Variants in PLCB4 observed in about 807,000 individuals in gnomAD.
PLCB4 encodes the protein phospholipase C beta 4.
PLCB4 carries 77 observed loss-of-function variants against 178.8 expected under a neutral mutation model. The observed-to-expected ratio is 0.43, with a 90% CI of 0.36 to 0.52. PLCB4 has a LOEUF of 0.52. Among genes scored for constraint, PLCB4 ranks in the 20% least tolerant of loss-of-function variants. The probability of loss-of-function intolerance (pLI) is 0.00; values close to 1 mark genes in which losing one functional copy is unlikely to be tolerated. For synonymous variants in PLCB4, 496 were observed against 490.8 expected, an observed-to-expected ratio of 1.01 and a Z score of -0.14; for missense variants, 1,024 against 1,453.4, an observed-to-expected ratio of 0.70 and a Z score of 4.80.
At chr20:9,399,385 A>G (rs185392217) in intron 19 of PLCB4, among the ~76,000 whole-genome samples, 2 of 152,370 alleles carry the variant, frequency 1.3e-5, no homozygotes, top group Non-Finnish European at 2.9e-5. Flanking sequence ...CTAGTCGGCT[A>G]TAATTACCTT....
intron 7 of PLCB4, among the ~76,000 whole-genome samples, chr20:9,346,308 C>T (rs1209817323): frequency 6.6e-6 from 1 of 152,148 alleles, no homozygotes; most frequent in African/African-American, 2.4e-5. Context: ...CACTGCTAAG[C>T]AGAAAAGCTC....
At chr20:9,177,955 C>T (rs778755669) in intron 2 of PLCB4, among the ~76,000 whole-genome samples, 35 of 152,158 alleles carry the variant, frequency 2.3e-4, no homozygotes, top group Non-Finnish European at 3.2e-4. Context: ...AAGTGCTAAA[C>T]AGAAAAACAC....
At chr20:9,213,621 A>G (rs2093697468) in intron 2 of PLCB4, among the ~76,000 whole-genome samples, 1 of 152,148 alleles carries the variant, frequency 6.6e-6, no homozygotes. Flanking sequence ...CTGCTATGAA[A>G]TTTTACATGT....
intron 7 of PLCB4, among the ~76,000 whole-genome samples, chr20:9,354,915 C>T (rs996958184): frequency 6.6e-6 from 1 of 152,188 alleles, no homozygotes. Flanking sequence ...ATTTAGTTCA[C>T]ATCATCTAGT....
chr20:9,459,918 A>G, intron 35 of PLCB4, 108 bp downstream of exon 35: 3 of 685,470 alleles, frequency 4.4e-6, no homozygotes, highest in Admixed American at 5.3e-5. Context: ...TTGACGTACA[A>G]CATGTAGCTC....
At chr20:9,214,989 A>T (rs1297006037) in intron 2 of PLCB4, among the ~76,000 whole-genome samples, 1 of 152,194 alleles carries the variant, frequency 6.6e-6, no homozygotes, top group Non-Finnish European at 1.5e-5. Context: ...TTACGAAATG[A>T]CTTGGGCAGC....
intron 38 of PLCB4, among the ~76,000 whole-genome samples, chr20:9,474,954 A>G (rs956034983): frequency 6.6e-6 from 1 of 152,190 alleles, no homozygotes; most frequent in Non-Finnish European, 1.5e-5. Context: ...TACCTAGCTT[A>G]TGTTTTTGCT....
At chr20:9,334,827 A>G (rs1474629772) in intron 4 of PLCB4, among the ~76,000 whole-genome samples, 4 of 152,138 alleles carry the variant, frequency 2.6e-5, no homozygotes, top group Non-Finnish European at 4.4e-5. Context: ...TAGAAGGACC[A>G]GATGGAATTC....
chr20:9,463,593 CAAAAAAAAAAAAA>C (rs145361980), intron 35 of PLCB4, among the ~76,000 whole-genome samples: 5 of 49,692 alleles, frequency 1.0e-4, no homozygotes, highest in Admixed American at 2.6e-4. Flanking sequence ...AAATGGAAAG[CAAAAAAAAAAAAA>C]AAAAAAAAGC....
chr20:9,210,217 A>G (rs955572934), intron 2 of PLCB4, among the ~76,000 whole-genome samples: 3 of 152,154 alleles, frequency 2.0e-5, no homozygotes, highest in Non-Finnish European at 2.9e-5. Flanking sequence ...GAACTCCTCT[A>G]AAGAGCCCTG....
intron 3 of PLCB4, 114 bp from the exon 4 acceptor site, chr20:9,307,686 G>A (rs986122216): frequency 5.4e-5 from 27 of 495,708 alleles, no homozygotes; most frequent in Middle Eastern, 1.1e-3. Flanking sequence ...AGAAAAAAAC[G>A]TATTCCACAT....
At chr20:9,132,617 T>C (rs1399441938) in intron 2 of PLCB4, among the ~76,000 whole-genome samples, 1 of 152,220 alleles carries the variant, frequency 6.6e-6, no homozygotes, top group Non-Finnish European at 1.5e-5. Flanking sequence ...GTGCTGACAC[T>C]CTTGATATCC....
At position 9,467,200 on chromosome 20, in the gene PLCB4, G is replaced by T. The variant is rs572230815; in HGVS notation, c.3249-1371G>T. Among the ~76,000 whole-genome samples the T allele has an allele frequency of 1.1e-4, 16 of 152,278 alleles. No individual in the cohort carries two copies. The East Asian group carries it at 2.7e-3, about 26-fold the overall frequency. Reference sequence around the variant, plus strand: ...AAGGACAGAAAACCAAACACCGTATGTTCTTACTCATAGGTGGGAATTGAA... The same window carrying T: ...AAGGACAGAAAACCAAACACCGTATTTTCTTACTCATAGGTGGGAATTGAA... On this transcript the variant is annotated intron_variant, in intron 35 of 39. Transcript: ENST00000378473.
chr20:9,338,973 G>C lies in PLCB4; in HGVS notation c.305G>C (p.Ser102Thr), dbSNP rs576789644. Residue 102 changes from serine (S) to threonine (T), a missense_variant, in exon 7 of 40, where the codon AGT (serine) becomes ACT (threonine). By Grantham distance (58) the Ser-to-Thr change is moderately conservative. This residue lies in a region of PLCB4 where 225 missense variants were observed against 291.0 expected (regional missense o/e 0.77). Coordinates refer to ENST00000378473, the MANE Select transcript of PLCB4 (RefSeq NM_001377142.1). ...GAAGGGCGGATAGTTTGTGTCTGCA[G>C]TGGCACAGATCTAGTGAACATTAGT... ...DLEGRIVCVC[S>T]GTDLVNISFT... 1.2e-6 allele frequency: 2 copies of C among 1,613,168 alleles called. No individual in the cohort carries two copies. Among genetic ancestry groups the C allele is most frequent in the South Asian group, 1.1e-5 (1 of 91,054 alleles).
intron 4 of PLCB4, among the ~76,000 whole-genome samples, chr20:9,314,319 G>A (rs975957820): frequency 2.0e-5 from 3 of 152,168 alleles, no homozygotes; most frequent in Non-Finnish European, 4.4e-5. Context: ...GATTCCTTGT[G>A]GGAGTGGTCT....
At chr20:9,439,512 A>G (rs1276920080) in intron 30 of PLCB4, among the ~76,000 whole-genome samples, 1 of 152,188 alleles carries the variant, frequency 6.6e-6, no homozygotes, top group Non-Finnish European at 1.5e-5. Flanking sequence ...ATTTTATCTG[A>G]TCTAAGAAGT....
At chr20:9,165,393 A>G (rs2092952878) in intron 2 of PLCB4, among the ~76,000 whole-genome samples, 1 of 152,190 alleles carries the variant, frequency 6.6e-6, no homozygotes, top group Admixed American at 6.5e-5. Flanking sequence ...GGAGCCTAAT[A>G]ATTTAATGAT....
At chr20:9,381,189 A>T (rs2037110971) in intron 13 of PLCB4, among the ~76,000 whole-genome samples, 1 of 152,170 alleles carries the variant, frequency 6.6e-6, no homozygotes, top group Admixed American at 6.5e-5. Context: ...AATTTATTTC[A>T]CATTGCTTAT....
At chr20:9,330,155 T>C (rs1335021221) in intron 4 of PLCB4, among the ~76,000 whole-genome samples, 1 of 152,230 alleles carries the variant, frequency 6.6e-6, no homozygotes. Flanking sequence ...TTTCAGGATC[T>C]GATAGAAAGC....
Sources: allele counts gnomAD v4.1 joint callset (sites outside exome capture counted in the v4.1 genomes callset), GRCh38; gene constraint gnomAD v4.1.1; regional missense constraint gnomAD v4.1.1; transcripts MANE v1.5; gene names NCBI Gene and HGNC (gene_info 2026-07-23, HGNC 2026-07-21).